The following CPVL variants were observed in gnomAD, a reference collection of about 807,000 sequenced individuals.
The protein encoded by CPVL is probable serine carboxypeptidase CPVL.
In CPVL, 51 loss-of-function variants were observed where a neutral mutation model predicts 63.7. That is an observed-to-expected ratio of 0.80 (90% CI 0.64 to 1.01). The LOEUF (loss-of-function observed/expected upper bound fraction) is 1.01, where lower values mean the gene tolerates loss of function less well. Among genes scored for constraint, CPVL ranks in the 50% least tolerant of loss-of-function variants. CPVL has a pLI of 0.00. For synonymous variants in CPVL, 195 were observed against 206.0 expected (o/e 0.95, Z 0.46); for missense variants, 530 against 573.1 (o/e 0.92, Z 0.77).
At chr7:29,177,799 TTTCA>T (rs1301702570) in intron 5 of CPVL, among the ~76,000 whole-genome samples, 4 of 152,150 alleles carry the variant, frequency 2.6e-5, no homozygotes, top group Non-Finnish European at 4.4e-5. Flanking sequence ...CTATCTGTTC[TTTCA>T]TTCATTCACT....
chr7:29,086,443 G>A (rs1193522917), intron 7 of CPVL, 41 bp downstream of exon 7: 12 of 1,364,266 alleles, frequency 8.8e-6, no homozygotes, highest in Non-Finnish European at 1.2e-5. Context: ...GTCAGTTCTG[G>A]TGATGTTTGA....
upstream of CPVL, chr7:29,146,635 G>T (rs769641932): frequency 6.5e-7 from 1 of 1,550,384 alleles, no homozygotes; most frequent in African/African-American, 1.4e-5. Context: ...CAACCTCCTG[G>T]TCCCAGAAAC....
intron 3 of CPVL, among the ~76,000 whole-genome samples, chr7:29,108,827 T>C (rs1787979294): frequency 6.6e-6 from 1 of 152,184 alleles, no homozygotes; most frequent in Admixed American, 6.5e-5. Context: ...AAGCCAAGAT[T>C]TCTATCCAAG....
intron 9 of CPVL, among the ~76,000 whole-genome samples, 183 bp from the exon 10 acceptor site, chr7:29,066,304 T>C (rs1783132802): frequency 6.6e-6 from 1 of 152,228 alleles, no homozygotes; most frequent in Admixed American, 6.5e-5. Flanking sequence ...GAAATGGCCA[T>C]CAACAAAACA....
chr7:29,173,173 AC>A (rs1796836946), intron 5 of CPVL, among the ~76,000 whole-genome samples: 1 of 152,014 alleles, frequency 6.6e-6, no homozygotes, highest in African/African-American at 2.4e-5. Flanking sequence ...TTTTAAAAAA[AC>A]ATTTTTAAAA....
chr7:29,186,321 C>T (rs1798704351), intron 2 of CPVL: 1 of 152,148 alleles, frequency 6.6e-6, no homozygotes, highest in South Asian at 2.1e-4. Context: ...CGTGTTGGCT[C>T]ACGCCTGTAC....
chr7:29,055,432 G>A (rs1267105392), intron 11 of CPVL, among the ~76,000 whole-genome samples: 2 of 152,090 alleles, frequency 1.3e-5, no homozygotes, highest in Non-Finnish European at 2.9e-5. Flanking sequence ...TACTTTTTTA[G>A]TAGAGATGGG....
intron 12 of CPVL, chr7:29,009,383 A>G (rs1785557799): frequency 6.6e-6 from 1 of 152,068 alleles, no homozygotes; most frequent in African/African-American, 2.4e-5. Context: ...AGAATAATCA[A>G]TTTGGAAAAC....
chr7:29,082,542 A>G (rs190700975), intron 7 of CPVL: 1 of 152,306 alleles, frequency 6.6e-6, no homozygotes, highest in Admixed American at 6.5e-5. Context: ...CCATCAAGGC[A>G]TCATTATTTA....
intron 3 of CPVL, among the ~76,000 whole-genome samples, chr7:29,098,552 A>G (rs1489119379): frequency 6.6e-6 from 1 of 152,238 alleles, no homozygotes; most frequent in Non-Finnish European, 1.5e-5. Flanking sequence ...ATTATGACTA[A>G]GGAAACAGGT....
In CPVL at chr7:29,086,495, C is replaced by T; in HGVS notation, c.598G>A (p.Val200Ile). The T allele has an allele frequency of 6.2e-7, 1 of 1,610,874 alleles. No homozygotes were observed. The highest frequency in any genetic ancestry group is 8.5e-7 in the Non-Finnish European group (1 of 1,177,226). ...TGACTTCTACTTACCTCCCCAGTGA[C>T]ATAAAAGTCATTATTTTTATATTCA... is the stretch of plus-strand genomic sequence containing the variant. ...FPEYKNNDFYVTGESYAGKYV... is the reference protein window; with the variant it reads ...FPEYKNNDFYITGESYAGKYV... The change falls in exon 7 of 13, where the codon GTC becomes ATC. Residue 200 changes from valine to isoleucine, a missense_variant. Physicochemically the swap from Val to Ile is conservative, Grantham distance 29. Coordinates refer to ENST00000265394, the MANE Select transcript of CPVL (RefSeq NM_031311.5).
Position 29,030,790 on chromosome 7 carries a change from A to C in CPVL, c.1138-31T>G, listed in dbSNP as rs747484385. 7.6e-6 allele frequency: 12 copies of C among 1,574,574 alleles called. No individual in the cohort carries two copies. The South Asian group carries it at 8.2e-5, about 11-fold the overall frequency. On this transcript the variant is annotated intron_variant, in intron 11 of 12. Transcript: ENST00000265394. ...ATGAAATCAAGCCATCAGCAAATGC[A>C]AGATTCAGGAGGTGAAGCTCATGAA...
rs1584546253 is a variant in CPVL, at chr7:29,172,781, T to C, written c.-11+8509A>G. 2.0e-5 allele frequency among the ~76,000 whole-genome samples: 3 copies of C among 152,294 alleles called. No individual in the cohort carries two copies. In the East Asian group the frequency reaches 5.8e-4, roughly 29 times the overall value. On this transcript the variant is annotated intron_variant, in intron 5 of 16. Transcript: ENST00000409850. The stretch of plus-strand genomic sequence containing the variant: ...AACATTTTAATATTATAAAACTTTT[T>C]TTTTCAACTTCTGTTTCCAGCTGTA...
chr7:29,181,463 G>T (rs1009633978), intron 4 of CPVL: 4 of 152,194 alleles, frequency 2.6e-5, no homozygotes, highest in Admixed American at 2.6e-4. Context: ...AAGGAAGTTT[G>T]TCCAAGAGTA....
intron 6 of CPVL, among the ~76,000 whole-genome samples, chr7:29,087,757 A>G (rs966819523): frequency 4.6e-5 from 7 of 152,222 alleles, no homozygotes. Context: ...AAGGGTTACA[A>G]AGAGGCAAAA....
At chr7:29,141,731 G>A (rs559703160) in intron 1 of CPVL, among the ~76,000 whole-genome samples, 1 of 151,928 alleles carries the variant, frequency 6.6e-6, no homozygotes, top group African/African-American at 2.4e-5. Context: ...CCTGGCCAAC[G>A]TGGTAAAACC....
chr7:29,052,961 T>C (rs894340741), intron 11 of CPVL, among the ~76,000 whole-genome samples: 3 of 151,854 alleles, frequency 2.0e-5, no homozygotes, highest in African/African-American at 7.3e-5. Context: ...AAAAAACAAA[T>C]AACCCAATTA....
intron 2 of CPVL, 76 bp from the exon 3 acceptor site, chr7:29,112,898 C>T (rs1406070082): frequency 9.9e-7 from 1 of 1,013,412 alleles, no homozygotes; most frequent in Non-Finnish European, 1.6e-6. Context: ...CTATCTCAGT[C>T]TGGATGAAAT....
At chr7:29,137,753 G>A (rs981359273) in intron 1 of CPVL, among the ~76,000 whole-genome samples, 5 of 152,260 alleles carry the variant, frequency 3.3e-5, no homozygotes, top group South Asian at 2.1e-4. Flanking sequence ...TCTTCTTAAC[G>A]CCTATATCAC....
Sources: gnomAD v4.1 joint callset for allele counts (sites outside exome capture counted in the v4.1 genomes callset) on GRCh38, gnomAD v4.1.1 for gene constraint, MANE v1.5 for transcripts, NCBI Gene and HGNC (gene_info 2026-07-23, HGNC 2026-07-21) for gene names.